TET3: variants seen among roughly 807,000 people sequenced by gnomAD.
TET3 encodes the protein tet methylcytosine dioxygenase 3.
In TET3, 19 loss-of-function variants were observed where a neutral mutation model predicts 141.4. That is an observed-to-expected ratio of 0.13 (90% CI 0.09 to 0.20). The LOEUF is 0.20. Ranked by LOEUF, TET3 falls within the 10% of genes least tolerant of loss-of-function variation. The pLI, the probability that TET3 is intolerant of heterozygous loss-of-function variation, is 1.00. For synonymous variants in TET3, 1,043 were observed against 980.9 expected, an observed-to-expected ratio of 1.06 and a Z score of -1.18; for missense variants, 1,874 against 2,356.9, an observed-to-expected ratio of 0.80 and a Z score of 4.24.
At chr2:74,070,199 C>T (rs1235016422) in intron 4 of TET3, among the ~76,000 whole-genome samples, 1 of 147,982 alleles carries the variant, frequency 6.8e-6, no homozygotes, top group African/African-American at 2.4e-5. Flanking sequence ...TAAAGACATA[C>T]CTGAGACTGG....
chr2:74,044,074 G>A (rs1031369676), intron 3 of TET3, among the ~76,000 whole-genome samples: 8 of 152,298 alleles, frequency 5.3e-5, no homozygotes, highest in Non-Finnish European at 1.0e-4. Context: ...ATAGGCTGAG[G>A]TGGGAGGATC....
chr2:74,064,128 GC>G (rs1688750846), intron 4 of TET3, among the ~76,000 whole-genome samples: 1 of 152,116 alleles, frequency 6.6e-6, no homozygotes. Context: ...TACTTAAAAA[GC>G]ATCTCAAAGC....
At chr2:74,042,171 T>C (rs1475466689) in intron 3 of TET3, among the ~76,000 whole-genome samples, 1 of 152,220 alleles carries the variant, frequency 6.6e-6, no homozygotes, top group East Asian at 1.9e-4. Flanking sequence ...AGCCTGTAGT[T>C]CTCTGTAGCT....
At chr2:74,111,156 T>C (rs919087586), downstream of TET3, among the ~76,000 whole-genome samples, 7 of 152,192 alleles carry the variant, frequency 4.6e-5, no homozygotes, top group Non-Finnish European at 7.3e-5. Flanking sequence ...CCCCCTTTCA[T>C]GAGCCCCTTT....
rs758111283 is a variant in TET3 at position 74,100,696 on chromosome 2, C to T, written c.3908C>T (p.Pro1303Leu). ...GTCTTCCCCTCTCAGTTCCTGGGTC[C>T]TGGTGCCTGGGGGCACAGTGGCAGC... The part of the protein sequence containing the change: ...NPVFPSQFLG[P>L]GAWGHSGSSG... Residue 1303 changes from proline (P) to leucine (L), a missense_variant, in exon 12 of 12, where the codon CCT becomes CTT. Pro to Leu is a moderately conservative substitution (Grantham distance 98). Coordinates refer to ENST00000409262, the MANE Select transcript of TET3 (RefSeq NM_001287491.2). The T allele has an allele frequency of 1.9e-6, 3 of 1,614,048 alleles. No homozygotes were observed. The highest frequency in any genetic ancestry group is 1.7e-6 in the Non-Finnish European group (2 of 1,179,902).
At chr2:74,001,102 C>G (rs1260807264) in intron 2 of TET3, among the ~76,000 whole-genome samples, 5 of 152,142 alleles carry the variant, frequency 3.3e-5, no homozygotes, top group Admixed American at 6.5e-5. Context: ...GGACACTGTT[C>G]CTTGTCATGC....
intron 4 of TET3, among the ~76,000 whole-genome samples, chr2:74,058,428 T>C (rs1025209743): frequency 4.6e-5 from 7 of 152,024 alleles, no homozygotes; most frequent in East Asian, 3.8e-4. Context: ...AAAGGTGTTA[T>C]AAGTTATCAT....
intron 4 of TET3, among the ~76,000 whole-genome samples, chr2:74,072,791 T>G (rs1314884522): frequency 1.3e-5 from 2 of 152,226 alleles, no homozygotes; most frequent in African/African-American, 4.8e-5. Flanking sequence ...TCATCTACTT[T>G]CTGTCTCTAG....
intron 5 of TET3, among the ~76,000 whole-genome samples, chr2:74,075,707 A>T (rs1689469492): frequency 6.6e-6 from 1 of 152,208 alleles, no homozygotes. Flanking sequence ...CTGAATAAAT[A>T]AAAGGTAAGA....
chr2:73,991,219 CA>C (rs1162167858), intron 2 of TET3, among the ~76,000 whole-genome samples: 4 of 152,010 alleles, frequency 2.6e-5, no homozygotes, highest in African/African-American at 9.7e-5. Context: ...CTTTCAAATG[CA>C]AGCGGTTTTT....
At chr2:74,097,865 G>A (rs1393292081) in intron 10 of TET3, among the ~76,000 whole-genome samples, 3 of 152,132 alleles carry the variant, frequency 2.0e-5, no homozygotes, top group Non-Finnish European at 4.4e-5. Flanking sequence ...CTCGCAGGGA[G>A]CCATTTGCTA....
intron 3 of TET3, among the ~76,000 whole-genome samples, chr2:74,006,400 C>G (rs1685150516): frequency 6.6e-6 from 1 of 152,198 alleles, no homozygotes; most frequent in African/African-American, 2.4e-5. Context: ...GACCCTCACC[C>G]TTTTTGAATG....
In TET3 at chr2:74,079,207, C is replaced by T. The variant is rs760580874; in HGVS notation, c.2586-1291C>T. ...ACTAAAAATACAAAAATTAGCTGGG[C>T]GTGGTGGCAGGCACCTGTAATCCCA... is the stretch of plus-strand genomic sequence containing the variant. On this transcript the variant is annotated intron_variant, in intron 5 of 11. Transcript: ENST00000409262. Among the ~76,000 whole-genome samples the T allele has an allele frequency of 1.6e-4, 24 of 152,142 alleles. 1 individual carries two copies. The Middle Eastern group carries it at 0.01, about 65-fold the overall frequency.
chr2:74,124,962 A>C, the TET3 span, among the ~76,000 whole-genome samples: 1 of 148,644 alleles, frequency 6.7e-6, no homozygotes, highest in Non-Finnish European at 1.5e-5. Flanking sequence ...AAAACTAAAA[A>C]AAAAAAAAAG....
the TET3 span, chr2:74,122,503 ATATATATATT>A: frequency 1.4e-5 from 1 of 69,488 alleles, no homozygotes; most frequent in African/African-American, 6.4e-5. Context: ...ATATATATAT[ATATATATATT>A]TTTTTTTTTT....
the TET3 span, chr2:74,130,787 G>A: frequency 6.6e-6 from 1 of 152,214 alleles, no homozygotes; most frequent in Non-Finnish European, 1.5e-5. Context: ...AACAATTGCC[G>A]GCTGCGACCA....
At position 74,048,212 on chromosome 2, in the gene TET3, G is replaced by C. The variant is rs1353672017; in HGVS notation, c.2295G>C (p.Val765=). ...TCAAGATTGAGTCTTCGGGGGCTGTGACTGTGCTCTCAACCACCTGCTTCC... is the reference window on the plus strand; with the variant it reads ...TCAAGATTGAGTCTTCGGGGGCTGTCACTGTGCTCTCAACCACCTGCTTCC... ...KQIKIESSGA[V]TVLSTTCFHS... The change falls in exon 4 of 12, where the codon GTG becomes GTC. Residue 765 remains valine, a synonymous_variant. Transcript: ENST00000409262. 6.2e-7 allele frequency: 1 copy of C among 1,613,164 alleles called. No homozygotes were observed. The highest frequency in any genetic ancestry group is 8.5e-7 in the Non-Finnish European group (1 of 1,179,558).
chr2:74,000,718 A>G (rs927910178), intron 2 of TET3, among the ~76,000 whole-genome samples: 8 of 152,170 alleles, frequency 5.3e-5, no homozygotes, highest in East Asian at 1.9e-4. Context: ...AGAAGGACCT[A>G]GATTTGAATT....
chr2:74,025,911 T>C (rs1048271718), intron 3 of TET3, among the ~76,000 whole-genome samples: 2 of 152,136 alleles, frequency 1.3e-5, no homozygotes, highest in Admixed American at 6.5e-5. Flanking sequence ...TGAGAGCAGC[T>C]TGGGCGACAG....
Sources: allele counts gnomAD v4.1 joint callset (sites outside exome capture counted in the v4.1 genomes callset), GRCh38; gene constraint gnomAD v4.1.1; transcripts MANE v1.5; gene names NCBI Gene and HGNC (gene_info 2026-07-23, HGNC 2026-07-21).